SDK1: variants seen among roughly 807,000 people sequenced by gnomAD.
The protein encoded by SDK1 is sidekick cell adhesion molecule 1.
In SDK1, 157 loss-of-function variants were observed where a neutral mutation model predicts 245.5. The ratio of observed to expected loss-of-function variants is 0.64; its 90% confidence interval spans 0.56 to 0.73. The LOEUF (loss-of-function observed/expected upper bound fraction) is 0.73, where lower values mean the gene tolerates loss of function less well. Among genes scored for constraint, SDK1 ranks in the 30% least tolerant of loss-of-function variants. The pLI, the probability that SDK1 is intolerant of heterozygous loss-of-function variation, is 0.00. For missense variants in SDK1, 3,583 were observed against 3,002.3 expected (o/e 1.19, Z -4.52); for synonymous variants, 1,647 against 1,278.5 (o/e 1.29, Z -6.15).
intron 4 of SDK1, among the ~76,000 whole-genome samples, chr7:3,753,919 A>G (rs1779845928): frequency 6.6e-6 from 1 of 152,350 alleles, no homozygotes; most frequent in African/African-American, 2.4e-5. Context: ...ATAAAATAAA[A>G]TTTTGAAGGA....
intron 1 of SDK1, among the ~76,000 whole-genome samples, chr7:3,380,766 C>T (rs949135675): frequency 1.1e-4 from 17 of 152,150 alleles, no homozygotes; most frequent in African/African-American, 4.1e-4. Flanking sequence ...CTAGAAACTC[C>T]ATCTGTGATT....
intron 4 of SDK1, among the ~76,000 whole-genome samples, chr7:3,789,018 C>G (rs1049043491): frequency 1.3e-5 from 2 of 152,212 alleles, no homozygotes; most frequent in Non-Finnish European, 2.9e-5. Context: ...GGCTGACAAG[C>G]TCCTTTCTGA....
chr7:3,437,968 T>C (rs1360265360), intron 1 of SDK1, among the ~76,000 whole-genome samples: 1 of 152,172 alleles, frequency 6.6e-6, no homozygotes, highest in Non-Finnish European at 1.5e-5. Context: ...CAGTTTCTTT[T>C]ACACTCTCTC....
chr7:3,585,543 A>T (rs1583196824), intron 1 of SDK1, among the ~76,000 whole-genome samples: 1 of 152,342 alleles, frequency 6.6e-6, no homozygotes, highest in East Asian at 1.9e-4. Flanking sequence ...GCCAGGGCAC[A>T]AAGCTGCAAG....
At chr7:4,060,458 C>T (rs942685098) in intron 19 of SDK1, among the ~76,000 whole-genome samples, 3 of 152,066 alleles carry the variant, frequency 2.0e-5, no homozygotes, top group Non-Finnish European at 4.4e-5. Flanking sequence ...AGTGTCTGTT[C>T]ATGTCCTTTG....
At chr7:3,360,869 G>A (rs1780932849) in intron 1 of SDK1, among the ~76,000 whole-genome samples, 1 of 130,536 alleles carries the variant, frequency 7.7e-6, no homozygotes, top group South Asian at 2.4e-4. Context: ...TTTCCATATT[G>A]GAGATAGTAC....
chr7:3,441,234 C>G (rs980711146), intron 1 of SDK1, among the ~76,000 whole-genome samples: 1 of 152,014 alleles, frequency 6.6e-6, no homozygotes. Context: ...ATAAATTAAA[C>G]TGTATCATAG....
chr7:3,553,623 A>G lies in SDK1; in HGVS notation c.299-65457A>G, dbSNP rs148148848. ...TCAAATGGAAGCAAGCAAGCAGCCA[A>G]GGGAAATACTCTTCTTTCTTGCTGA... On this transcript the variant is annotated intron_variant, in intron 1 of 44. Coordinates refer to ENST00000404826, the MANE Select transcript of SDK1 (RefSeq NM_152744.4). Among the ~76,000 whole-genome samples, 868 of 152,238 alleles carry G rather than the reference A, an allele frequency of 5.7e-3. 5 individuals are homozygous for G. The highest frequency in any genetic ancestry group is 0.018 in the South Asian group (88 of 4,816).
chr7:3,651,883 TGCCATGGAGTTCCGTGTCAGCTAA>T (rs1235306244), intron 4 of SDK1, among the ~76,000 whole-genome samples: 4 of 152,160 alleles, frequency 2.6e-5, no homozygotes, highest in Non-Finnish European at 5.9e-5. Flanking sequence ...ATGGAACTGC[TGCCATGGAGTTCCGTGTCAGCTAA>T]GCCAACGATC....
chr7:4,044,833 A>C (rs143144581), intron 17 of SDK1, among the ~76,000 whole-genome samples: 1 of 152,248 alleles, frequency 6.6e-6, no homozygotes, highest in African/African-American at 2.4e-5. Context: ...TTATATATAC[A>C]TTTTCACAAA....
chr7:3,530,741 T>A (rs535252062), intron 1 of SDK1, among the ~76,000 whole-genome samples: 2 of 152,210 alleles, frequency 1.3e-5, no homozygotes, highest in Non-Finnish European at 2.9e-5. Flanking sequence ...GGTAGCTAAA[T>A]GCAAACACAG....
At chr7:3,855,265 C>G (rs1252381271) in intron 5 of SDK1, among the ~76,000 whole-genome samples, 1 of 151,992 alleles carries the variant, frequency 6.6e-6, no homozygotes, top group African/African-American at 2.4e-5. Context: ...CCAAGAATCA[C>G]TAGACAGCTG....
At chr7:3,396,727 A>T (rs971073565) in intron 1 of SDK1, among the ~76,000 whole-genome samples, 1 of 151,388 alleles carries the variant, frequency 6.6e-6, no homozygotes, top group Non-Finnish European at 1.5e-5. Context: ...TTTTCAACTG[A>T]TCTGTATCTT....
intron 1 of SDK1, among the ~76,000 whole-genome samples, chr7:3,595,615 A>T (rs1334552456): frequency 7.9e-5 from 12 of 152,036 alleles, no homozygotes. Context: ...AGGCAGAGTG[A>T]CATGATCATG....
chr7:4,063,610 C>G (rs753527402), intron 19 of SDK1, among the ~76,000 whole-genome samples: 3 of 137,986 alleles, frequency 2.2e-5, no homozygotes, highest in Admixed American at 7.0e-5. Flanking sequence ...AAAAAAAAAA[C>G]AAAAAACCCC....
At chr7:3,903,279 G>T (rs1450431291) in intron 5 of SDK1, among the ~76,000 whole-genome samples, 6 of 151,952 alleles carry the variant, frequency 3.9e-5, no homozygotes, top group African/African-American at 1.5e-4. Flanking sequence ...GAGTAGCTGG[G>T]ACTACAGGTG....
intron 4 of SDK1, among the ~76,000 whole-genome samples, chr7:3,657,463 A>C (rs548559022): frequency 9.6e-4 from 146 of 152,130 alleles, no homozygotes; most frequent in Non-Finnish European, 1.8e-3. Context: ...GTCCTACCCA[A>C]ATGTGAAGTG....
chr7:4,095,443 G>T (rs1291018556), intron 22 of SDK1, among the ~76,000 whole-genome samples: 2 of 152,240 alleles, frequency 1.3e-5, no homozygotes, highest in African/African-American at 4.8e-5. Flanking sequence ...CATATGGTAA[G>T]ATGTCACTTT....
At chr7:3,738,318 A>C (rs1779379122) in intron 4 of SDK1, among the ~76,000 whole-genome samples, 1 of 152,162 alleles carries the variant, frequency 6.6e-6, no homozygotes, top group Admixed American at 6.5e-5. Flanking sequence ...TTATCCATTG[A>C]ATGGTCTTGG....
Sources: allele counts gnomAD v4.1 joint callset (sites outside exome capture counted in the v4.1 genomes callset), GRCh38; gene constraint gnomAD v4.1.1; transcripts MANE v1.5; gene names NCBI Gene and HGNC (gene_info 2026-07-23, HGNC 2026-07-21).